The following PHIP variants were observed in gnomAD, a reference collection of about 807,000 sequenced individuals.
PHIP encodes PHIP subunit of CUL4-Ring ligase complex, also known as PH-interacting protein.
A neutral mutation model predicts 236.8 loss-of-function variants in PHIP; 54 were observed. The ratio of observed to expected loss-of-function variants is 0.23; its 90% CI spans 0.18 to 0.29. The LOEUF (loss-of-function observed/expected upper bound fraction) is 0.29. PHIP is among the 10% of genes least tolerant of loss of function. The pLI is 1.00. For synonymous variants in PHIP, 756 were observed against 718.9 expected (o/e 1.05, Z -0.83); for missense variants, 1,370 against 2,190.8 (o/e 0.63, Z 7.48).
chr6:78,981,388 T>A (rs1768520665), intron 23 of PHIP, among the ~76,000 whole-genome samples: 2 of 151,980 alleles, frequency 1.3e-5, no homozygotes, highest in South Asian at 2.1e-4. Context: ...CTGCTAGGCA[T>A]GCGAACAAAA....
intron 15 of PHIP, among the ~76,000 whole-genome samples, chr6:79,013,628 G>C (rs1269376334): frequency 2.0e-5 from 3 of 151,606 alleles, no homozygotes; most frequent in Non-Finnish European, 4.4e-5. Flanking sequence ...AGGTGCTGCA[G>C]TTTTTGTTAT....
At chr6:78,999,005 T>A (rs1368856594) in intron 17 of PHIP, among the ~76,000 whole-genome samples, 5 of 151,940 alleles carry the variant, frequency 3.3e-5, no homozygotes, top group African/African-American at 1.2e-4. Context: ...GGTGTTGAAA[T>A]AAAGAAGGTG....
intron 32 of PHIP, chr6:78,955,939 G>A: frequency 4.1e-6 from 1 of 245,918 alleles, no homozygotes; most frequent in Admixed American, 5.6e-5. Flanking sequence ...TTAGGTATCT[G>A]CTGTGCTTCT....
intron 38 of PHIP, 131 bp from the exon 39 acceptor site, chr6:78,945,628 G>T: frequency 1.5e-6 from 1 of 662,052 alleles, no homozygotes; most frequent in East Asian, 2.7e-5. Context: ...TCTTAGGAAA[G>T]CTACTTTCTA....
chr6:78,999,832 A>G (rs1029318836), intron 17 of PHIP, among the ~76,000 whole-genome samples: 3 of 152,062 alleles, frequency 2.0e-5, no homozygotes, highest in African/African-American at 7.2e-5. Flanking sequence ...ATAGGATAAA[A>G]TAACTTGTTT....
At chr6:79,063,931 A>G (rs1773503101) in intron 4 of PHIP, among the ~76,000 whole-genome samples, 1 of 152,172 alleles carries the variant, frequency 6.6e-6, no homozygotes, top group Non-Finnish European at 1.5e-5. Context: ...CAGTGGAAAC[A>G]GACTAACAAA....
intron 4 of PHIP, among the ~76,000 whole-genome samples, chr6:79,072,301 T>C (rs951556251): frequency 1.3e-5 from 2 of 152,216 alleles, no homozygotes; most frequent in Non-Finnish European, 2.9e-5. Context: ...ACCCAAATTA[T>C]TTCTTAATGT....
chr6:79,077,938 GAC>G (rs781589476), intron 1 of PHIP, 25 bp from the exon 2 acceptor site: 3 of 1,589,918 alleles, frequency 1.9e-6, no homozygotes, highest in Non-Finnish European at 2.6e-6. Flanking sequence ...GGGACGGGGA[GAC>G]ACACAGGCTG....
intron 7 of PHIP, among the ~76,000 whole-genome samples, chr6:79,026,467 T>A (rs202095651): frequency 1.3e-5 from 2 of 148,992 alleles, no homozygotes; most frequent in African/African-American, 4.9e-5. Flanking sequence ...ACTTCTGAAA[T>A]AAAAAAAAAA....
At chr6:78,952,645 CTTT>C (rs1356474553) in intron 35 of PHIP, among the ~76,000 whole-genome samples, 2 of 152,006 alleles carry the variant, frequency 1.3e-5, no homozygotes, top group African/African-American at 4.8e-5. Context: ...TTGCTTAGAT[CTTT>C]ACACTTACTA....
Position 79,060,505 on chromosome 6 carries a change from C to T in PHIP, c.412G>A (p.Val138Ile). ...ATGCTGGGTGGGCTACCATAGTTAA[C>T]TGGTGACTCAGGTGGTCTTCCACAG... ...LHCGRPPESPVNYGSPPSIAD... is the reference protein window; with the variant it reads ...LHCGRPPESPINYGSPPSIAD... The change falls in exon 6 of 40, where the codon GTT becomes ATT. Residue 138 changes from valine (V) to isoleucine (I), a missense_variant. By Grantham distance (29) the Val-to-Ile change is conservative. Coordinates refer to ENST00000275034, the MANE Select transcript of PHIP (RefSeq NM_017934.7). 6.2e-7 allele frequency: 1 copy of T among 1,613,578 alleles called. No individual in the cohort carries two copies. The highest frequency in any genetic ancestry group is 1.3e-5 in the African/African-American group (1 of 75,018).
intron 19 of PHIP, among the ~76,000 whole-genome samples, chr6:78,992,108 G>A (rs1205685181): frequency 1.3e-5 from 2 of 151,418 alleles, no homozygotes; most frequent in East Asian, 3.9e-4. Context: ...GACTACATGC[G>A]TCCGCCACCT....
intron 7 of PHIP, among the ~76,000 whole-genome samples, chr6:79,033,011 T>C (rs2127753169): frequency 6.6e-6 from 1 of 152,240 alleles, no homozygotes; most frequent in South Asian, 2.1e-4. Flanking sequence ...CCATCAGGGT[T>C]CCTGGGTGAC....
chr6:79,005,863 T>C (rs1770263303), intron 15 of PHIP, among the ~76,000 whole-genome samples: 1 of 151,986 alleles, frequency 6.6e-6, no homozygotes, highest in South Asian at 2.1e-4. Context: ...TTGACCCTAT[T>C]ATTTATCAAT....
intron 31 of PHIP, among the ~76,000 whole-genome samples, chr6:78,961,326 GAACA>G (rs1243346797): frequency 6.6e-6 from 1 of 151,548 alleles, no homozygotes; most frequent in African/African-American, 2.4e-5. Flanking sequence ...AAAAATCAAT[GAACA>G]AATATTTTAA....
rs1179508347 is a variant in PHIP at position 78,939,328 on chromosome 6, T to C, written c.*1365A>G. 1 of 151,676 alleles carries C rather than the reference T, an allele frequency of 6.6e-6. No homozygotes were observed. The highest frequency in any genetic ancestry group is 1.9e-4 in the East Asian group (1 of 5,190). The allele number at this position is 151,676 out of a possible 1,614,324, so 9.4% of individuals were successfully genotyped here. A position where few individuals can be genotyped will look rare whatever the true frequency, so the allele number is the denominator to read the frequency against. On this transcript the variant is annotated 3_prime_UTR_variant, in exon 40 of 40. Coordinates refer to ENST00000275034, the MANE Select transcript of PHIP (RefSeq NM_017934.7). ...CATTAAATGGAGTTTTTCTTTAGGG[T>C]GTATATTGACATACCAGCATGATAA...
At chr6:79,017,231 C>T in intron 12 of PHIP, 115 bp downstream of exon 12, 1 of 613,274 alleles carries the variant, frequency 1.6e-6, no homozygotes, top group South Asian at 2.5e-5. Context: ...TATAACTGGT[C>T]AAGATCTTTT....
At chr6:79,046,620 T>G (rs1431168389) in intron 6 of PHIP, among the ~76,000 whole-genome samples, 1 of 152,130 alleles carries the variant, frequency 6.6e-6, no homozygotes, top group Non-Finnish European at 1.5e-5. Context: ...CTCACACCTG[T>G]AATCCCAGCA....
chr6:78,978,729 A>G lies in PHIP; in HGVS notation c.2770-18T>C, dbSNP rs761785278. The stretch of plus-strand genomic sequence containing the variant: ...GCCAATCTCTGACAAAATTTAAGTA[A>G]TAATTGTTAAGTAATAATCAAAAAA... On this transcript the variant is annotated intron_variant, in intron 23 of 39. Coordinates refer to ENST00000275034, the MANE Select transcript of PHIP (RefSeq NM_017934.7). 1.9e-6 allele frequency: 3 copies of G among 1,581,364 alleles called. No homozygotes were observed. Among genetic ancestry groups the G allele is most frequent in the Non-Finnish European group, 1.7e-6 (2 of 1,155,238 alleles).
Sources: gnomAD v4.1 joint callset for allele counts (sites outside exome capture counted in the v4.1 genomes callset) on GRCh38, gnomAD v4.1.1 for gene constraint, MANE v1.5 for transcripts, NCBI Gene and HGNC (gene_info 2026-07-23, HGNC 2026-07-21) for gene names.